The following RABGAP1 variants were observed in gnomAD, a reference collection of about 807,000 sequenced individuals.
The protein encoded by RABGAP1 is RAB GTPase activating protein 1, also known as rab GTPase-activating protein 1.
Under a neutral mutation model 137.6 loss-of-function variants are expected in RABGAP1, and 23 were observed. The ratio of observed to expected loss-of-function variants is 0.17; its 90% CI spans 0.12 to 0.24. The LOEUF is 0.24. Ranked by LOEUF, RABGAP1 falls within the 10% of genes least tolerant of loss-of-function variation. RABGAP1 has a pLI of 1.00. For synonymous variants in RABGAP1, 451 were observed against 450.7 expected, an observed-to-expected ratio of 1.00 and a Z score of -0.01; for missense variants, 906 against 1,275.8, an observed-to-expected ratio of 0.71 and a Z score of 4.42.
chr9:123,093,123 G>A lies in RABGAP1; in HGVS notation c.2628+2738G>A, dbSNP rs191262081. 2.0e-3 allele frequency among the ~76,000 whole-genome samples: 308 copies of A among 152,222 alleles called. 2 individuals carry two copies. The highest frequency in any genetic ancestry group is 3.7e-3 in the Non-Finnish European group (253 of 67,996). Reference sequence around the variant, plus strand: ...TAGGGACTTAGGTTTTTGAAAGAACGTCATTCCTTTGAGCTCTTTCCTTCC... The same window carrying A: ...TAGGGACTTAGGTTTTTGAAAGAACATCATTCCTTTGAGCTCTTTCCTTCC... On this transcript the variant is annotated intron_variant, in intron 21 of 25. Coordinates refer to ENST00000373647, the MANE Select transcript of RABGAP1 (RefSeq NM_012197.4).
chr9:122,964,863 G>A (rs1835055552), intron 2 of RABGAP1, among the ~76,000 whole-genome samples: 1 of 152,088 alleles, frequency 6.6e-6, no homozygotes, highest in Non-Finnish European at 1.5e-5. Context: ...TGAATGTGGT[G>A]GCATGCTCTT....
chr9:123,031,588 AAGG>A (rs369297591), intron 13 of RABGAP1, among the ~76,000 whole-genome samples: 195 of 152,338 alleles, frequency 1.3e-3, no homozygotes, highest in African/African-American at 4.2e-3. Context: ...TAAAAATTGA[AAGG>A]AGGAAATGCA....
chr9:123,067,367 C>T (rs1184035232), intron 14 of RABGAP1, among the ~76,000 whole-genome samples: 1 of 152,206 alleles, frequency 6.6e-6, no homozygotes, highest in East Asian at 1.9e-4. Flanking sequence ...TGGGTTCTGG[C>T]CTGTTGATTC....
rs1339259468 is a variant in RABGAP1 at position 123,070,050 on chromosome 9, A to G, written c.1909-300A>G. On this transcript the variant is annotated intron_variant, in intron 14 of 25. Coordinates refer to ENST00000373647, the MANE Select transcript of RABGAP1 (RefSeq NM_012197.4). The surrounding 1 kb of genome is among the most constrained non-coding windows in gnomAD (Gnocchi z 4.4). Reference sequence around the variant, plus strand: ...GAGGCAGAGAGGGAAAGGACATCCCAAGGAGAGGGAACATCATGAACAACA... The same window carrying G: ...GAGGCAGAGAGGGAAAGGACATCCCGAGGAGAGGGAACATCATGAACAACA... Among the ~76,000 whole-genome samples, 3 of 152,198 alleles carry G rather than the reference A, an allele frequency of 2.0e-5. No individual in the cohort carries two copies. Among genetic ancestry groups the G allele is most frequent in the Non-Finnish European group, 4.4e-5 (3 of 68,040 alleles).
intron 12 of RABGAP1, among the ~76,000 whole-genome samples, chr9:123,019,679 G>T (rs2031485947): frequency 9.9e-6 from 1 of 101,224 alleles, no homozygotes; most frequent in Non-Finnish European, 2.3e-5. Flanking sequence ...TTGGAATTTT[G>T]CTCTTTTTTT....
At chr9:122,997,170 A>G in intron 8 of RABGAP1, 89 bp from the exon 9 acceptor site, 1 of 889,288 alleles carries the variant, frequency 1.1e-6, no homozygotes, top group Non-Finnish European at 1.8e-6. Context: ...ATATTTTTGC[A>G]GCTTCTGGTT....
At chr9:122,947,776 C>T (rs948355894) in intron 1 of RABGAP1, among the ~76,000 whole-genome samples, 7 of 152,010 alleles carry the variant, frequency 4.6e-5, no homozygotes, top group Non-Finnish European at 1.0e-4. Flanking sequence ...TTTAACGTAA[C>T]CTGAAATTAA....
chr9:122,990,083 A>C lies in RABGAP1; in HGVS notation c.793A>C (p.Thr265Pro), dbSNP rs1588224231. 1 of 1,610,106 alleles carries C rather than the reference A, an allele frequency of 6.2e-7. No homozygotes were observed. The highest frequency in any genetic ancestry group is 1.3e-5 in the African/African-American group (1 of 74,782). The change falls in exon 6 of 26, where the codon ACT becomes CCT. Residue 265 changes from threonine to proline, a missense_variant. Physicochemically the swap from Thr to Pro is conservative, Grantham distance 38. This residue lies in a region of RABGAP1 where 331 missense variants were observed against 358.3 expected (regional missense o/e 0.92). Coordinates refer to ENST00000373647, the MANE Select transcript of RABGAP1 (RefSeq NM_012197.4). ...AVSRILYSFA[T>P]AFRRSAKQTP... The stretch of plus-strand genomic sequence containing the variant: ...AAGCCGGATACTTTACAGTTTTGCC[A>C]CTGCCTTCCGCCGTTCTGCCAAGCA...
At chr9:123,035,573 ACACAGTTAGAAG>A in intron 13 of RABGAP1, 1 of 1,608,574 alleles carries the variant, frequency 6.2e-7, no homozygotes, top group Non-Finnish European at 8.5e-7. Context: ...AACGACCCTT[ACACAGTTAGAAG>A]CAAAGGCCCT....
rs74689932 is a variant in RABGAP1 at position 123,095,665 on chromosome 9, G to A, written c.2629-2076G>A. ...TATGGTGAGCTATGATCGTACCACT[G>A]CATTTTAGCCTGGGCAACAGAATGT... On this transcript the variant is annotated intron_variant, in intron 21 of 25. Transcript: ENST00000373647. 4.1e-3 allele frequency among the ~76,000 whole-genome samples: 624 copies of A among 151,422 alleles called. 6 individuals are homozygous for A. The highest frequency in any genetic ancestry group is 0.034 in the East Asian group (174 of 5,142).
intron 1 of RABGAP1, chr9:122,945,895 A>G (rs903835453): frequency 5.9e-5 from 9 of 152,092 alleles, no homozygotes; most frequent in African/African-American, 1.9e-4. Context: ...CCAACAACCT[A>G]TGGTTTATAA....
intron 18 of RABGAP1, 96 bp from the exon 19 acceptor site, chr9:123,076,538 T>C (rs1259274189): frequency 1.5e-6 from 2 of 1,368,448 alleles, no homozygotes; most frequent in African/African-American, 1.5e-5. Flanking sequence ...CTTCTGGGGA[T>C]TGTAAAAGTG....
intron 13 of RABGAP1, among the ~76,000 whole-genome samples, chr9:123,052,009 A>AT (rs1232681032): frequency 7.1e-6 from 1 of 141,368 alleles, no homozygotes. Context: ...GTTTCACCGT[A>AT]TTAGCCAGAA....
intron 5 of RABGAP1, 149 bp from the exon 6 acceptor site, chr9:122,989,907 T>G (rs1343095125): frequency 2.3e-6 from 2 of 880,338 alleles, no homozygotes; most frequent in Admixed American, 3.0e-5. Flanking sequence ...GTTGCTTGCT[T>G]TATAGGCCTA....
chr9:123,007,634 G>A (rs560826165), intron 10 of RABGAP1, among the ~76,000 whole-genome samples: 2 of 147,574 alleles, frequency 1.4e-5, no homozygotes, highest in African/African-American at 5.0e-5. Context: ...CCTGGGCTCA[G>A]GTGATCTGCC....
chr9:123,097,910 G>A (rs2035231545), intron 22 of RABGAP1, 65 bp downstream of exon 22: 1 of 1,393,662 alleles, frequency 7.2e-7, no homozygotes, highest in South Asian at 1.3e-5. Context: ...TCAGCTGGTG[G>A]CTTCCTGTTG....
chr9:123,096,047 G>A (rs2035173173), intron 21 of RABGAP1, among the ~76,000 whole-genome samples: 1 of 152,206 alleles, frequency 6.6e-6, no homozygotes, highest in South Asian at 2.1e-4. Context: ...TGTGAGTGGA[G>A]TGTACTGTGT....
intron 13 of RABGAP1, among the ~76,000 whole-genome samples, chr9:123,057,542 G>T (rs559221050): frequency 5.3e-5 from 8 of 151,498 alleles, no homozygotes; most frequent in African/African-American, 1.7e-4. Flanking sequence ...GATGGCGGCC[G>T]GGCAGAGACG....
chr9:123,091,214 T>C (rs1472904188), intron 21 of RABGAP1, among the ~76,000 whole-genome samples: 3 of 152,194 alleles, frequency 2.0e-5, no homozygotes, highest in African/African-American at 7.2e-5. Flanking sequence ...TAGGATTACC[T>C]TTCTACTCAT....
Sources: gnomAD v4.1 joint callset for allele counts (sites outside exome capture counted in the v4.1 genomes callset) on GRCh38, gnomAD v4.1.1 for gene constraint, gnomAD v4.1.1 regional missense constraint, Gnocchi (gnomAD v3.1) non-coding constraint, MANE v1.5 for transcripts, NCBI Gene and HGNC (gene_info 2026-07-23, HGNC 2026-07-21) for gene names.